TMEFF1: variants seen among roughly 807,000 people sequenced by gnomAD.
TMEFF1 encodes the protein tomoregulin-1.
TMEFF1 carries 20 observed loss-of-function variants against 47.5 expected under a neutral mutation model. The ratio of observed to expected loss-of-function variants is 0.42; its 90% CI spans 0.30 to 0.61. The LOEUF (loss-of-function observed/expected upper bound fraction) is 0.61, where lower values mean the gene tolerates loss of function less well. Ranked by LOEUF, TMEFF1 falls within the 20% of genes least tolerant of loss-of-function variation. TMEFF1 has a pLI of 0.19. For synonymous variants in TMEFF1, 162 were observed against 166.3 expected, an observed-to-expected ratio of 0.97 and a Z score of 0.20; for missense variants, 411 against 471.1, an observed-to-expected ratio of 0.87 and a Z score of 1.18.
intron 1 of TMEFF1, among the ~76,000 whole-genome samples, chr9:100,496,078 A>T (rs1458063987): frequency 6.6e-6 from 1 of 152,204 alleles, no homozygotes; most frequent in Non-Finnish European, 1.5e-5. Flanking sequence ...GTGAGCATCA[A>T]AGCAGAGCTT....
intron 8 of TMEFF1, among the ~76,000 whole-genome samples, chr9:100,571,058 A>G (rs1028771419): frequency 1.3e-5 from 2 of 152,318 alleles, no homozygotes. Context: ...TTCCAAGATT[A>G]GCACCTACAG....
chr9:100,481,739 G>T (rs1362041436), intron 1 of TMEFF1, among the ~76,000 whole-genome samples: 2 of 152,052 alleles, frequency 1.3e-5, no homozygotes, highest in Non-Finnish European at 2.9e-5. Flanking sequence ...GACTTGTTTA[G>T]CCTGCACAGG....
chr9:100,550,385 A>G lies in TMEFF1; in HGVS notation c.775+225A>G, dbSNP rs115775483. 1.0e-3 allele frequency among the ~76,000 whole-genome samples: 154 copies of G among 152,316 alleles called. 1 individual carries two copies. Among genetic ancestry groups the G allele is most frequent in the African/African-American group, 3.5e-3 (147 of 41,568 alleles). On this transcript the variant is annotated intron_variant, in intron 7 of 9. Transcript: ENST00000374879. Reference sequence around the variant, plus strand: ...CTTTCTTTGATTAAAGTCTGTATTGAGATAATTTTAGATGTACATGCACTT... The same window carrying G: ...CTTTCTTTGATTAAAGTCTGTATTGGGATAATTTTAGATGTACATGCACTT...
intron 6 of TMEFF1, among the ~76,000 whole-genome samples, chr9:100,549,164 A>G (rs1047325054): frequency 2.6e-5 from 4 of 152,172 alleles, no homozygotes; most frequent in Non-Finnish European, 5.9e-5. Context: ...TCCACAGGCT[A>G]TACAGGAAGC....
rs752427622 is a variant in TMEFF1, at chr9:100,497,320, C to CTTTTTTTT, written c.197-1428_197-1421dup. On this transcript the variant is annotated intron_variant, in intron 1 of 9. Coordinates refer to ENST00000374879, the MANE Select transcript of TMEFF1 (RefSeq NM_003692.5). ...TCTTGCTTTAAGTTTCCACTCATGTCTTTTTTTTTTTTTTTTTTTTTTTTG... is the reference window on the plus strand; with the variant it reads ...TCTTGCTTTAAGTTTCCACTCATGTCTTTTTTTTTTTTTTTTTTTTTTTTTTTTTTTTG... Among the ~76,000 whole-genome samples the CTTTTTTTT allele has an allele frequency of 2.9e-3, 175 of 59,502 alleles. 9 individuals are homozygous for CTTTTTTTT. The highest frequency in any genetic ancestry group is 5.1e-3 in the African/African-American group (75 of 14,658). 39.0% of individuals were successfully genotyped at this position (59,502 alleles called of 152,430 possible). A position where few individuals can be genotyped will look rare whatever the true frequency, so the allele number is the denominator to read the frequency against.
At chr9:100,576,002 G>A (rs1467647519) in intron 9 of TMEFF1, among the ~76,000 whole-genome samples, 3 of 152,114 alleles carry the variant, frequency 2.0e-5, no homozygotes, top group African/African-American at 7.2e-5. Context: ...TTGAGTCATT[G>A]TCTAAAATCA....
intron 8 of TMEFF1, among the ~76,000 whole-genome samples, chr9:100,562,959 A>G (rs1839048822): frequency 6.6e-6 from 1 of 152,230 alleles, no homozygotes; most frequent in Admixed American, 6.5e-5. Context: ...CTAGCACTAC[A>G]GGCATACGCC....
At chr9:100,572,327 C>A (rs2800281) in intron 8 of TMEFF1, among the ~76,000 whole-genome samples, 191 bp from the exon 9 acceptor site, 58,478 of 151,808 alleles carry the variant, frequency 0.39, 11,762 homozygotes, top group Admixed American at 0.46. Context: ...AGGTGAAAGA[C>A]GCACCATGTA....
At chr9:100,544,087 GATATATATAT>G (rs35750255) in intron 5 of TMEFF1, among the ~76,000 whole-genome samples, 1 of 147,138 alleles carries the variant, frequency 6.8e-6, no homozygotes, top group East Asian at 2.0e-4. Context: ...CCTTCATGCT[GATATATATAT>G]ATATATATAA....
chr9:100,549,090 T>A (rs915681265), intron 6 of TMEFF1, among the ~76,000 whole-genome samples: 1 of 152,162 alleles, frequency 6.6e-6, no homozygotes, highest in Non-Finnish European at 1.5e-5. Flanking sequence ...ATCCTCACGT[T>A]GCTAGAAAGA....
intron 8 of TMEFF1, among the ~76,000 whole-genome samples, chr9:100,565,118 G>A (rs1839098113): frequency 6.6e-6 from 1 of 152,110 alleles, no homozygotes; most frequent in Non-Finnish European, 1.5e-5. Flanking sequence ...CTAGTGGGCT[G>A]CTGGATATAT....
Position 100,547,732 on chromosome 9 carries a change from C to T in TMEFF1, c.561-12C>T, listed in dbSNP as rs1479470773. The T allele has an allele frequency of 1.3e-6, 2 of 1,485,094 alleles. No homozygotes were observed. Among genetic ancestry groups the T allele is most frequent in the Middle Eastern group, 2.1e-4 (1 of 4,810 alleles). The allele number at this position is 1,485,094 out of a possible 1,614,324, so 92.0% of individuals were successfully genotyped here. ...GTTGTAAAATATAGGTAATTTTTGT[C>T]TTTTCCAACAGGTGTGTATGTAATA... On this transcript the variant is annotated splice_polypyrimidine_tract_variant and intron_variant, in intron 5 of 9. Transcript: ENST00000374879.
chr9:100,508,921 G>T (rs1440745835), intron 2 of TMEFF1, 84 bp from the exon 3 acceptor site: 1 of 1,326,450 alleles, frequency 7.5e-7, no homozygotes. Flanking sequence ...ATGTCATAAT[G>T]CTATGGTATT....
chr9:100,576,022 C>G (rs1166096110), intron 9 of TMEFF1, among the ~76,000 whole-genome samples: 1 of 152,102 alleles, frequency 6.6e-6, no homozygotes, highest in Non-Finnish European at 1.5e-5. Context: ...AGTAGACATT[C>G]CTATGTATTC....
chr9:100,528,027 C>T (rs374094080), intron 5 of TMEFF1, among the ~76,000 whole-genome samples: 3 of 152,082 alleles, frequency 2.0e-5, no homozygotes, highest in African/African-American at 4.8e-5. Context: ...TGCAGCTGAG[C>T]GTCCTGTCTG....
rs1248147453 is a variant in TMEFF1, at chr9:100,473,778, C to G, written c.196+38C>G. 1.4e-6 allele frequency: 2 copies of G among 1,435,488 alleles called. No homozygotes were observed. The highest frequency in any genetic ancestry group is 5.8e-5 in the East Asian group (2 of 34,708). The allele number at this position is 1,435,488 out of a possible 1,614,324, so 88.9% of individuals were successfully genotyped here. ...GGAGCCGGCCCTAGGTCTTCCCACC[C>G]CTCCGTTGCCGCCTCCCTCGTGGTC... On this transcript the variant is annotated intron_variant, in intron 1 of 9. Transcript: ENST00000374879. This position sits in a 1 kb window ranked among gnomAD's most constrained non-coding sequence, Gnocchi z 5.4.
chr9:100,555,204 T>C (rs1176953657), intron 7 of TMEFF1, among the ~76,000 whole-genome samples: 1 of 150,512 alleles, frequency 6.6e-6, no homozygotes, highest in Non-Finnish European at 1.5e-5. Context: ...CGCACACACA[T>C]TGTTGCAGTT....
chr9:100,498,632 T>C, intron 1 of TMEFF1, 133 bp from the exon 2 acceptor site: 1 of 705,654 alleles, frequency 1.4e-6, no homozygotes, highest in South Asian at 2.2e-5. Flanking sequence ...TATAGTTATG[T>C]CTTATTACAC....
At chr9:100,508,894 CTA>C (rs1172778110) in intron 2 of TMEFF1, 109 bp from the exon 3 acceptor site, 1 of 1,124,206 alleles carries the variant, frequency 8.9e-7, no homozygotes, top group Admixed American at 3.6e-5. Flanking sequence ...AAACCCCAGA[CTA>C]TTCAGTAGCG....
Sources: allele counts gnomAD v4.1 joint callset (sites outside exome capture counted in the v4.1 genomes callset), GRCh38; gene constraint gnomAD v4.1.1; non-coding constraint Gnocchi (gnomAD v3.1); transcripts MANE v1.5; gene names NCBI Gene and HGNC (gene_info 2026-07-23, HGNC 2026-07-21).